ALG9: variants seen among roughly 807,000 people sequenced by gnomAD.
The protein encoded by ALG9 is alpha-1,2-mannosyltransferase ALG9.
Under a neutral mutation model 81.8 loss-of-function variants are expected in ALG9, and 55 were observed. That is an observed-to-expected ratio of 0.67 (90% confidence interval 0.54 to 0.84). The LOEUF (loss-of-function observed/expected upper bound fraction) is 0.84, where lower values mean the gene tolerates loss of function less well. ALG9 is among the 40% of genes least tolerant of loss of function. ALG9 has a pLI of 0.00. For missense variants in ALG9, 629 were observed against 745.0 expected (o/e 0.84, Z 1.81); for synonymous variants, 278 against 274.3 (o/e 1.01, Z -0.13).
chr11:111,789,277 G>C (rs1946998036), intron 14 of ALG9, among the ~76,000 whole-genome samples: 1 of 151,778 alleles, frequency 6.6e-6, no homozygotes, highest in South Asian at 2.1e-4. Context: ...TTTGAGACAG[G>C]GTCTCGCTCT....
rs1555127385 is a variant in ALG9, at chr11:111,844,711, C to A, written c.908G>T (p.Trp303Leu). The A allele has an allele frequency of 1.1e-5, 17 of 1,613,768 alleles. No individual in the cohort carries two copies. Among genetic ancestry groups the A allele is most frequent in the Non-Finnish European group, 1.4e-5 (17 of 1,179,824 alleles). Residue 303 changes from tryptophan to leucine, a missense_variant, in exon 9 of 15, where the codon TGG becomes TTG. Transcript: ENST00000616540. Reference sequence around the variant, plus strand: ...AAATCCATTAATTAAATAGAAATACCAGGGTTCTGTACCTGAGGGAGACAT... The same window carrying A: ...AAATCCATTAATTAAATAGAAATACAAGGGTTCTGTACCTGAGGGAGACAT... ...HGPDLYGTEP[W>L]YFYLINGFLN...
chr11:111,795,105 C>T (rs1416226289), intron 14 of ALG9, among the ~76,000 whole-genome samples: 1 of 152,162 alleles, frequency 6.6e-6, no homozygotes, highest in Non-Finnish European at 1.5e-5. Context: ...CTCCACCAGT[C>T]CCTTGAGGAT....
intron 4 of ALG9, among the ~76,000 whole-genome samples, chr11:111,861,226 G>A (rs1056657107): frequency 8.5e-5 from 13 of 152,100 alleles, no homozygotes; most frequent in African/African-American, 3.1e-4. Context: ...CTTTCTTGTA[G>A]GTGTGAACCC....
intron 5 of ALG9, 64 bp from the exon 6 acceptor site, chr11:111,857,801 T>C (rs1425156419): frequency 1.1e-5 from 18 of 1,588,644 alleles, no homozygotes; most frequent in Non-Finnish European, 1.4e-5. Context: ...TAGGTATCAA[T>C]TAAAAACTGA....
intron 10 of ALG9, 128 bp downstream of exon 10, chr11:111,840,527 A>G (rs947861213): frequency 1.9e-6 from 2 of 1,080,416 alleles, no homozygotes; most frequent in Non-Finnish European, 1.4e-6. Flanking sequence ...AATATGATCT[A>G]TATCAGGTTT....
At chr11:111,818,643 G>A (rs1362475040) in intron 13 of ALG9, among the ~76,000 whole-genome samples, 1 of 152,156 alleles carries the variant, frequency 6.6e-6, no homozygotes, top group East Asian at 1.9e-4. Context: ...TGCTCTTATA[G>A]CAACCAGTAC....
intron 3 of ALG9, among the ~76,000 whole-genome samples, chr11:111,867,677 C>A (rs1337905011): frequency 1.3e-5 from 2 of 152,170 alleles, no homozygotes; most frequent in African/African-American, 4.8e-5. Flanking sequence ...AGTTTGAGAT[C>A]TTCCTGATTC....
chr11:111,805,627 A>C (rs1339839227), intron 14 of ALG9, among the ~76,000 whole-genome samples: 3 of 152,236 alleles, frequency 2.0e-5, no homozygotes, highest in Non-Finnish European at 4.4e-5. Flanking sequence ...AGACAGTAAA[A>C]AGATTAGTGG....
At position 111,782,221 on chromosome 11, in the gene ALG9, T is replaced by C. The variant is rs1555057358; in HGVS notation, c.*4176A>G. On this transcript the variant is annotated 3_prime_UTR_variant, in exon 15 of 15. Coordinates refer to ENST00000616540, the MANE Select transcript of ALG9 (RefSeq NM_024740.2). Reference sequence around the variant, plus strand: ...CAAACTGCTACAATTTATTTAACTCTTTCTTTCACAGGAAATATAAGTATG... The same window carrying C: ...CAAACTGCTACAATTTATTTAACTCCTTCTTTCACAGGAAATATAAGTATG... The C allele has an allele frequency of 1.3e-5, 2 of 152,328 alleles. No individual in the cohort carries two copies. The highest frequency in any genetic ancestry group is 2.4e-5 in the African/African-American group (1 of 41,574). 9.4% of individuals were successfully genotyped at this position (152,328 alleles called of 1,614,324 possible).
At chr11:111,831,079 C>T (rs1954282776) in intron 13 of ALG9, among the ~76,000 whole-genome samples, 1 of 152,102 alleles carries the variant, frequency 6.6e-6, no homozygotes, top group African/African-American at 2.4e-5. Context: ...CTCGCTCCGT[C>T]ACCGAGGCTG....
intron 14 of ALG9, 58 bp from the exon 15 acceptor site, chr11:111,786,578 A>G: frequency 6.4e-7 from 1 of 1,560,382 alleles, no homozygotes; most frequent in Non-Finnish European, 8.8e-7. Flanking sequence ...TACTAATGGT[A>G]CTAAATGTGA....
At chr11:111,812,472 C>T (rs373263707) in intron 13 of ALG9, among the ~76,000 whole-genome samples, 1 of 152,254 alleles carries the variant, frequency 6.6e-6, no homozygotes, top group African/African-American at 2.4e-5. Context: ...GAGATTGAGG[C>T]AGGAAAATTG....
chr11:111,871,348 G>A lies in ALG9; in HGVS notation c.131+4C>T. ...GCCACGCCCCTGCCGCGCCGCACAC[G>A]TACTCGGTCCGGTGCTCCGCGCCGC... On this transcript the variant is annotated splice_donor_region_variant and intron_variant, in intron 1 of 14. Transcript: ENST00000616540. 8 of 1,520,998 alleles carry A rather than the reference G, an allele frequency of 5.3e-6. No homozygotes were observed. The highest frequency in any genetic ancestry group is 7.0e-6 in the Non-Finnish European group (8 of 1,140,298). The allele number at this position is 1,520,998 out of a possible 1,614,324, so 94.2% of individuals were successfully genotyped here.
chr11:111,831,881 A>G (rs1954434046), intron 13 of ALG9, among the ~76,000 whole-genome samples: 1 of 152,222 alleles, frequency 6.6e-6, no homozygotes, highest in African/African-American at 2.4e-5. Context: ...ATTTTTTCCA[A>G]CAAAGGGATA....
chr11:111,870,296 CTT>C lies in ALG9; in HGVS notation c.204_205del (p.Arg69ValfsTer11), dbSNP rs1555157141. On this transcript the variant is annotated frameshift_variant, in exon 2 of 15. Transcript: ENST00000616540. LOFTEE classifies it high-confidence loss of function. ...GTTGCTCAGGAGAGCAGCACATAAC[CTT>C]GCTGAAAGCAGACACTTGAAAGCAG... is the stretch of plus-strand genomic sequence containing the variant. The C allele has an allele frequency of 6.2e-7, 1 of 1,609,244 alleles. No individual in the cohort carries two copies.
chr11:111,862,043 T>C (rs1230567176), intron 4 of ALG9, among the ~76,000 whole-genome samples: 6 of 152,164 alleles, frequency 3.9e-5, no homozygotes, highest in Non-Finnish European at 7.4e-5. Flanking sequence ...ACTACACTAA[T>C]TTTTTATGTA....
At chr11:111,772,137 GC>G in the ALG9 span, among the ~76,000 whole-genome samples, 1 of 152,180 alleles carries the variant, frequency 6.6e-6, no homozygotes, top group African/African-American at 2.4e-5. Context: ...AAATAGGACA[GC>G]CGGGCAAGGT....
At chr11:111,870,489 T>C in intron 1 of ALG9, 119 bp from the exon 2 acceptor site, 2 of 1,285,410 alleles carry the variant, frequency 1.6e-6, no homozygotes, top group Non-Finnish European at 2.1e-6. Context: ...AGCACTTAAG[T>C]TATTCACCTA....
intron 14 of ALG9, among the ~76,000 whole-genome samples, chr11:111,801,919 C>T (rs1591876883): frequency 6.6e-6 from 1 of 152,162 alleles, no homozygotes; most frequent in East Asian, 1.9e-4. Flanking sequence ...CACAATAGAG[C>T]CCTACCCCCA....
Sources: allele counts gnomAD v4.1 joint callset (sites outside exome capture counted in the v4.1 genomes callset), GRCh38; gene constraint gnomAD v4.1.1; transcripts MANE v1.5; gene names NCBI Gene and HGNC (gene_info 2026-07-23, HGNC 2026-07-21).